ANKRD62: variants seen among roughly 807,000 people sequenced by gnomAD.
The protein encoded by ANKRD62 is ankyrin repeat domain-containing protein 62.
In ANKRD62, 61 loss-of-function variants were observed where a neutral mutation model predicts 98.8. The ratio of observed to expected loss-of-function variants is 0.62; its 90% CI spans 0.50 to 0.76. The LOEUF is 0.76. Ranked by LOEUF, ANKRD62 falls within the 30% of genes least tolerant of loss-of-function variation. ANKRD62 has a pLI of 0.00. For missense variants in ANKRD62, 933 were observed against 1,082.9 expected (o/e 0.86, Z 1.94); for synonymous variants, 341 against 367.9 (o/e 0.93, Z 0.84).
chr18:12,107,571 G>T, intron 8 of ANKRD62, 104 bp downstream of exon 8: 1 of 942,096 alleles, frequency 1.1e-6, no homozygotes, highest in Non-Finnish European at 1.4e-6. Context: ...ATACTTTTAT[G>T]AGGAATATTC....
chr18:12,160,832 C>T, the ANKRD62 span, among the ~76,000 whole-genome samples: 1 of 151,984 alleles, frequency 6.6e-6, no homozygotes, highest in Admixed American at 6.6e-5. Context: ...AAATTAAGAA[C>T]AAAAAATGGC....
At chr18:12,151,867 A>T in the ANKRD62 span, among the ~76,000 whole-genome samples, 1 of 152,154 alleles carries the variant, frequency 6.6e-6, no homozygotes, top group African/African-American at 2.4e-5. Flanking sequence ...ACCATTAGAA[A>T]TGATGAAGGC....
At chr18:12,131,878 AT>A (rs1910011155), downstream of ANKRD62, among the ~76,000 whole-genome samples, 1 of 151,598 alleles carries the variant, frequency 6.6e-6, no homozygotes, top group African/African-American at 2.4e-5. Flanking sequence ...TTCAAACTGG[AT>A]TGTATTTTTC....
At chr18:12,164,992 G>A in the ANKRD62 span, among the ~76,000 whole-genome samples, 1 of 151,930 alleles carries the variant, frequency 6.6e-6, no homozygotes, top group East Asian at 1.9e-4. Context: ...TAGAACCATT[G>A]TATCCTCTTG....
the ANKRD62 span, among the ~76,000 whole-genome samples, chr18:12,141,206 C>T: frequency 5.3e-5 from 8 of 152,188 alleles, no homozygotes; most frequent in East Asian, 1.9e-4. Flanking sequence ...GTTGGACAAG[C>T]GCAGTATTAG....
At chr18:12,111,110 G>A (rs964865610) in intron 8 of ANKRD62, among the ~76,000 whole-genome samples, 4 of 151,922 alleles carry the variant, frequency 2.6e-5, no homozygotes, top group African/African-American at 4.8e-5. Flanking sequence ...TTAGCCAGAC[G>A]TGGTGGCACA....
intron 10 of ANKRD62, among the ~76,000 whole-genome samples, chr18:12,116,486 A>G (rs1909668358): frequency 6.6e-6 from 1 of 152,210 alleles, no homozygotes. Flanking sequence ...GTCTTTGTGA[A>G]ATAGTATTTT....
the ANKRD62 span, among the ~76,000 whole-genome samples, chr18:12,168,857 T>A: frequency 6.6e-6 from 1 of 152,206 alleles, no homozygotes; most frequent in Non-Finnish European, 1.5e-5. Context: ...TCACATCCCT[T>A]GTAAACTGGA....
chr18:12,178,111 T>G, the ANKRD62 span, among the ~76,000 whole-genome samples: 2 of 151,388 alleles, frequency 1.3e-5, no homozygotes, highest in Non-Finnish European at 2.9e-5. Context: ...TGAAAGTCCA[T>G]CCAGGGGACA....
At position 12,122,424 on chromosome 18, in the gene ANKRD62, C is replaced by T. The variant is rs114884884; in HGVS notation, c.1362C>T (p.Ser454=). The T allele has an allele frequency of 1.3e-3, 1,966 of 1,535,262 alleles. 8 individuals carry two copies. The African/African-American group carries it at 0.017, about 13-fold the overall frequency. ...VKFQKMKNNI[S]VLQKVLSETD... ...TTCAAAAAATGAAAAATAATATTAG[C>T]GTACTACAAAAGGTACTATCTGAAA... Residue 454 remains serine (S), a synonymous_variant, in exon 11 of 14, where the codon AGC becomes AGT. Coordinates refer to ENST00000587848, the MANE Select transcript of ANKRD62 (RefSeq NM_001277333.2).
the ANKRD62 span, among the ~76,000 whole-genome samples, chr18:12,158,759 C>T: frequency 2.0e-5 from 3 of 149,564 alleles, no homozygotes; most frequent in Admixed American, 2.0e-4. Flanking sequence ...TGGTCTCGAT[C>T]TCCTGACCTC....
At position 12,119,699 on chromosome 18, in the gene ANKRD62, G is replaced by A. The variant is rs540118032; in HGVS notation, c.1241-2604G>A. ...AGAACACATTCAGACCACAGCAGGTGGTTTTGTTTTTTATCCCTCTGCTTG... is the reference window on the plus strand; with the variant it reads ...AGAACACATTCAGACCACAGCAGGTAGTTTTGTTTTTTATCCCTCTGCTTG... On this transcript the variant is annotated intron_variant, in intron 10 of 13. Transcript: ENST00000587848. 7.3e-5 allele frequency among the ~76,000 whole-genome samples: 11 copies of A among 151,432 alleles called. 1 individual carries two copies. The East Asian group carries it at 2.1e-3, about 29-fold the overall frequency.
At position 12,126,202 on chromosome 18, in the gene ANKRD62, G is replaced by A. The variant is rs561988829; in HGVS notation, c.2381G>A (p.Arg794His). The A allele has an allele frequency of 4.3e-5, 66 of 1,536,038 alleles. No homozygotes were observed. In the East Asian group the frequency reaches 1.2e-3, roughly 28 times the overall value. The change falls in exon 13 of 14, where the codon CGC becomes CAC. Residue 794 changes from arginine to histidine, a missense_variant. Coordinates refer to ENST00000587848, the MANE Select transcript of ANKRD62 (RefSeq NM_001277333.2). ...TATCAACAGCAGTGTAATGATGCTC[G>A]CAAGAAAGCTGACAATCAGGAGAAA... Reference protein sequence around the residue: ...LLYQQQCNDARKKADNQEKTI... With the variant: ...LLYQQQCNDAHKKADNQEKTI...
At chr18:12,153,681 A>T in the ANKRD62 span, among the ~76,000 whole-genome samples, 1 of 152,122 alleles carries the variant, frequency 6.6e-6, no homozygotes, top group Non-Finnish European at 1.5e-5. Context: ...GGCAATCCTA[A>T]GCAAAAAGAA....
the ANKRD62 span, among the ~76,000 whole-genome samples, chr18:12,150,467 A>G: frequency 6.6e-6 from 1 of 152,294 alleles, no homozygotes; most frequent in South Asian, 2.1e-4. Flanking sequence ...GCAAGATTTT[A>G]CACACGAATA....
In ANKRD62 at chr18:12,126,763, T is replaced by C. The variant is rs145159223; in HGVS notation, c.2562+380T>C. ...ACCTAAAGTGTTATTTTGAAATAGA[T>C]TCAATTAATTAGATTACTTTGACAG... On this transcript the variant is annotated intron_variant, in intron 13 of 13. Coordinates refer to ENST00000587848, the MANE Select transcript of ANKRD62 (RefSeq NM_001277333.2). Among the ~76,000 whole-genome samples the C allele has an allele frequency of 4.7e-3, 722 of 152,342 alleles. 8 individuals carry two copies. The highest frequency in any genetic ancestry group is 9.4e-3 in the East Asian group (49 of 5,194).
Position 12,125,493 on chromosome 18 carries a change from T to C in ANKRD62, c.1672T>C (p.Trp558Arg). ...FHTHERERDL[W>R]QENHLMRDEI... ...TACTCATGAAAGAGAAAGAGACCTG[T>C]GGCAGGAAAATCACTTGATGCGGGA... The change falls in exon 13 of 14, where the codon TGG becomes CGG. Residue 558 changes from tryptophan to arginine, a missense_variant. Physicochemically the swap from Trp to Arg is moderately radical, Grantham distance 101. This residue lies in a region of ANKRD62 where 362 missense variants were observed against 434.5 expected (regional missense o/e 0.83). Coordinates refer to ENST00000587848, the MANE Select transcript of ANKRD62 (RefSeq NM_001277333.2). 1 of 1,482,696 alleles carries C rather than the reference T, an allele frequency of 6.7e-7. No homozygotes were observed. The highest frequency in any genetic ancestry group is 1.8e-4 in the Middle Eastern group (1 of 5,702). The allele number at this position is 1,482,696 out of a possible 1,614,324, so 91.8% of individuals were successfully genotyped here. A position where few individuals can be genotyped will look rare whatever the true frequency, so the allele number is the denominator to read the frequency against.
At position 12,096,264 on chromosome 18, in the gene ANKRD62, GA is replaced by G; in HGVS notation, c.582del (p.Lys194AsnfsTer4). 6.5e-7 allele frequency: 1 copy of G among 1,534,130 alleles called. No individual in the cohort carries two copies. Among genetic ancestry groups the G allele is most frequent in the Non-Finnish European group, 8.7e-7 (1 of 1,145,302 alleles). On this transcript the variant is annotated frameshift_variant, in exon 4 of 14. Transcript: ENST00000587848. LOFTEE classifies it high-confidence loss of function. ...KEQMVAFLLK[K>X]KPDLTAIDNF... ...AGCAAATGGTGGCATTTTTGTTGAA[GA>G]AAAAACCAGATTTAACTGCAATAGA...
the ANKRD62 span, among the ~76,000 whole-genome samples, chr18:12,158,535 A>T: frequency 7.3e-3 from 1,097 of 151,224 alleles, 21 homozygotes; most frequent in African/African-American, 0.024. Context: ...TTTATTTTTT[A>T]TTTTTTTTGA....
Sources: allele counts gnomAD v4.1 joint callset (sites outside exome capture counted in the v4.1 genomes callset), GRCh38; gene constraint gnomAD v4.1.1; regional missense constraint gnomAD v4.1.1; transcripts MANE v1.5; gene names NCBI Gene and HGNC (gene_info 2026-07-23, HGNC 2026-07-21).